SPINK5: variants seen among roughly 807,000 people sequenced by gnomAD.
The protein encoded by SPINK5 is serine peptidase inhibitor Kazal type 5, also known as serine protease inhibitor Kazal-type 5.
A neutral mutation model predicts 151.8 loss-of-function variants in SPINK5; 125 were observed. The observed-to-expected ratio is 0.82, with a 90% CI of 0.71 to 0.96. SPINK5 has a LOEUF of 0.96. Ranked by LOEUF, SPINK5 falls within the 40% of genes least tolerant of loss-of-function variation. The pLI, the probability that SPINK5 is intolerant of heterozygous loss-of-function variation, is 0.00. For missense variants in SPINK5, 1,194 were observed against 1,291.9 expected, an observed-to-expected ratio of 0.92 and a Z score of 1.16; for synonymous variants, 374 against 395.3, an observed-to-expected ratio of 0.95 and a Z score of 0.64.
At position 148,128,509 on chromosome 5, in the gene SPINK5, A is replaced by ATTATTTAT. The variant is rs548462479; in HGVS notation, c.2964+1434_2964+1441dup. Among the ~76,000 whole-genome samples, 401 of 152,024 alleles carry ATTATTTAT rather than the reference A, an allele frequency of 2.6e-3. 3 individuals carry two copies. Among genetic ancestry groups the ATTATTTAT allele is most frequent in the African/African-American group, 9.4e-3 (391 of 41,412 alleles). ...CTGAGCACCTGCTATTTTTCCAGGC[A>ATTATTTAT]TTATTTATTTACTTATTTATTTATT... On this transcript the variant is annotated intron_variant, in intron 30 of 32. Transcript: ENST00000256084.
chr5:148,064,952 G>C (rs1269814623), intron 1 of SPINK5, among the ~76,000 whole-genome samples: 1 of 151,984 alleles, frequency 6.6e-6, no homozygotes, highest in South Asian at 2.1e-4. Context: ...CTATATTATA[G>C]TTTCAACTAT....
chr5:148,080,788 TA>T (rs1404462284), intron 4 of SPINK5, among the ~76,000 whole-genome samples: 1 of 151,412 alleles, frequency 6.6e-6, no homozygotes, highest in Non-Finnish European at 1.5e-5. Flanking sequence ...ACAAAATTAA[TA>T]AACTGAAATT....
At chr5:148,099,453 A>C in intron 12 of SPINK5, 138 bp downstream of exon 12, 1 of 690,718 alleles carries the variant, frequency 1.4e-6, no homozygotes, top group Non-Finnish European at 2.5e-6. Context: ...ATTGAGATGA[A>C]TTATATGGGA....
intron 4 of SPINK5, 45 bp from the exon 5 acceptor site, chr5:148,086,360 T>C: frequency 1.2e-6 from 2 of 1,602,738 alleles, no homozygotes; most frequent in African/African-American, 1.3e-5. Context: ...CTAAGGACTA[T>C]TTTGTTTCTT....
intron 19 of SPINK5, 72 bp from the exon 20 acceptor site, chr5:148,112,794 TAG>T (rs1753976471): frequency 1.0e-5 from 16 of 1,598,270 alleles, no homozygotes; most frequent in Non-Finnish European, 1.3e-5. Context: ...CATTTTTATG[TAG>T]AGACATTTCT....
chr5:148,099,501 CAAAAA>C (rs3214448), intron 12 of SPINK5, among the ~76,000 whole-genome samples, 186 bp downstream of exon 12: 88 of 141,648 alleles, frequency 6.2e-4, no homozygotes, highest in Admixed American at 2.3e-3. Flanking sequence ...ACTAACTCTG[CAAAAA>C]AAAAAAAAAA....
intron 26 of SPINK5, among the ~76,000 whole-genome samples, 180 bp from the exon 27 acceptor site, chr5:148,123,653 A>G (rs1409128718): frequency 6.6e-6 from 1 of 151,310 alleles, no homozygotes; most frequent in Non-Finnish European, 1.5e-5. Flanking sequence ...TGCAATGGAG[A>G]AGATTCAAAC....
At position 148,063,992 on chromosome 5, in the gene SPINK5, C is replaced by A. The variant is rs1389108070; in HGVS notation, c.-53C>A. ...TCGCCCCGAGTTCAGTCATACTGCA[C>A]CAGCTGAGCAATGCATGGAGTGGAC... On this transcript the variant is annotated 5_prime_UTR_variant, in exon 1 of 33. Transcript: ENST00000256084. 6.3e-7 allele frequency: 1 copy of A among 1,598,466 alleles called. No individual in the cohort carries two copies. The highest frequency in any genetic ancestry group is 8.6e-7 in the Non-Finnish European group (1 of 1,166,040).
At chr5:148,128,293 T>C (rs1054409923) in intron 30 of SPINK5, among the ~76,000 whole-genome samples, 3 of 152,064 alleles carry the variant, frequency 2.0e-5, no homozygotes, top group African/African-American at 7.2e-5. Flanking sequence ...AATAGCTAAA[T>C]GAAATATCAC....
intron 28 of SPINK5, 121 bp downstream of exon 28, chr5:148,124,958 TTCTTG>T (rs1186107205): frequency 3.6e-5 from 46 of 1,283,384 alleles, no homozygotes; most frequent in South Asian, 2.7e-4. Flanking sequence ...AAATTGATTT[TTCTTG>T]TCTTGTCACT....
At chr5:148,106,899 TA>T in intron 16 of SPINK5, 137 bp from the exon 17 acceptor site, 2 of 1,103,940 alleles carry the variant, frequency 1.8e-6, no homozygotes, top group Non-Finnish European at 2.6e-6. Context: ...GGAAGCTTTG[TA>T]AATACTTACT....
chr5:148,125,581 C>A, intron 28 of SPINK5, 142 bp from the exon 29 acceptor site: 4 of 1,614,058 alleles, frequency 2.5e-6, no homozygotes, highest in Non-Finnish European at 3.4e-6. Context: ...ACAACCTGGG[C>A]GTTCCTTGGC....
chr5:148,114,413 A>G lies in SPINK5; in HGVS notation c.1939A>G (p.Thr647Ala). Residue 647 changes from threonine to alanine, a missense_variant, in exon 21 of 33, where the codon ACA (threonine) becomes GCA (alanine). Physicochemically the swap from Thr to Ala is moderately conservative, Grantham distance 58 (BLOSUM62 0). Transcript: ENST00000256084. Reference sequence around the variant, plus strand: ...TTTGCAAAATGGAAAACTTTTCTGCACAAGAGAAAATGATCCTGTGCGTGG... The same window carrying G: ...TTTGCAAAATGGAAAACTTTTCTGCGCAAGAGAAAATGATCCTGTGCGTGG... The part of the protein sequence containing the change: ...RLLQNGKLFC[T>A]RENDPVRGPD... 2 of 1,613,710 alleles carry G rather than the reference A, an allele frequency of 1.2e-6. No homozygotes were observed. The highest frequency in any genetic ancestry group is 1.1e-5 in the South Asian group (1 of 91,068).
intron 10 of SPINK5, among the ~76,000 whole-genome samples, chr5:148,096,167 G>A (rs955359108): frequency 3.3e-5 from 5 of 151,886 alleles, no homozygotes; most frequent in Admixed American, 3.3e-4. Context: ...CTAAATGAAG[G>A]TGAAATATCA....
chr5:148,128,118 T>C (rs1224034766), intron 30 of SPINK5, among the ~76,000 whole-genome samples: 1 of 152,142 alleles, frequency 6.6e-6, no homozygotes, highest in African/African-American at 2.4e-5. Context: ...ACTAGGGTAA[T>C]AGATGAGTTA....
At chr5:148,095,959 C>T (rs1485127989) in intron 10 of SPINK5, 54 bp downstream of exon 10, 20 of 1,373,942 alleles carry the variant, frequency 1.5e-5, no homozygotes, top group Middle Eastern at 1.8e-4. Flanking sequence ...TGGGGGGGTG[C>T]GTGTGTGAGA....
chr5:148,111,787 G>A lies in SPINK5; in HGVS notation c.1712G>A (p.Arg571His), dbSNP rs780631964. 5.1e-5 allele frequency: 82 copies of A among 1,613,790 alleles called. No homozygotes were observed. Among genetic ancestry groups the A allele is most frequent in the Admixed American group, 2.5e-4 (15 of 59,968 alleles). The change falls in exon 19 of 33, where the codon CGT (arginine) becomes CAT (histidine). Residue 571 changes from arginine (R) to histidine (H), a missense_variant. Physicochemically the swap from Arg to His is conservative, Grantham distance 29 (BLOSUM62 0). Coordinates refer to ENST00000256084, the MANE Select transcript of SPINK5 (RefSeq NM_006846.4). ...TGGCAGGAGCTGTGCAGTGAATATC[G>A]TCATTATGTGAGGAATGGACGACTC... ...EAVQELCSEY[R>H]HYVRNGRLPC... is the part of the protein sequence containing the mutation.
At position 148,086,439 on chromosome 5, in the gene SPINK5, A is replaced by T. The variant is rs746365387; in HGVS notation, c.317A>T (p.Asp106Val). 1.2e-6 allele frequency: 2 copies of T among 1,611,586 alleles called. No homozygotes were observed. Among genetic ancestry groups the T allele is most frequent in the African/African-American group, 2.7e-5 (2 of 74,704 alleles). ...GATGATTTTAAAAAAGGAGAAAGAGATGGGGATTTTATCTGTCCTGATTAT... is the reference window on the plus strand; with the variant it reads ...GATGATTTTAAAAAAGGAGAAAGAGTTGGGGATTTTATCTGTCCTGATTAT... ...NCDDFKKGER[D>V]GDFICPDYYE... The change falls in exon 5 of 33, where the codon GAT (aspartate) becomes GTT (valine). Residue 106 changes from aspartate to valine, a missense_variant. By Grantham distance (152) the Asp-to-Val change is radical (BLOSUM62 -3). Transcript: ENST00000256084.
In SPINK5 at chr5:148,118,656, C is replaced by G. The variant is rs1754167200; in HGVS notation, c.2240+92C>G. The stretch of plus-strand genomic sequence containing the variant: ...CTCATTTGCTATGGCTCCTTCCATG[C>G]AAATTATTCTTTTTGCTAATTTCCA... On this transcript the variant is annotated intron_variant, in intron 23 of 32. Coordinates refer to ENST00000256084, the MANE Select transcript of SPINK5 (RefSeq NM_006846.4). The G allele has an allele frequency of 6.6e-6, 10 of 1,519,662 alleles. No homozygotes were observed. In the South Asian group the frequency reaches 1.1e-4, roughly 17 times the overall value. 94.1% of individuals were successfully genotyped at this position (1,519,662 alleles called of 1,614,324 possible).
Sources: gnomAD v4.1 joint callset for allele counts (sites outside exome capture counted in the v4.1 genomes callset) on GRCh38, gnomAD v4.1.1 for gene constraint, MANE v1.5 for transcripts, NCBI Gene and HGNC (gene_info 2026-07-23, HGNC 2026-07-21) for gene names.